DST: variants seen among roughly 807,000 people sequenced by gnomAD.
The protein encoded by DST is bullous pemphigoid antigen.
In DST, 253 loss-of-function variants were observed where a neutral mutation model predicts 875.2. The ratio of observed to expected loss-of-function variants is 0.29; its 90% CI spans 0.26 to 0.32. The LOEUF (loss-of-function observed/expected upper bound fraction) is 0.32. Ranked by LOEUF, DST falls within the 10% of genes least tolerant of loss-of-function variation. DST has a pLI of 1.00. For missense variants in DST, 8,287 were observed against 9,111.6 expected, an observed-to-expected ratio of 0.91 and a Z score of 3.68; for synonymous variants, 3,124 against 3,197.1, an observed-to-expected ratio of 0.98 and a Z score of 0.77.
In DST at chr6:56,912,254, A is replaced by G. The variant is rs186932785; in HGVS notation, c.217-11633T>C. On this transcript the variant is annotated intron_variant, in intron 2 of 103. Transcript: ENST00000680361. Reference sequence around the variant, plus strand: ...ATTATGGAGTCTTGGGGTCGGGCGCAGCACACTGCTAAGACATTCCCCAGT... The same window carrying G: ...ATTATGGAGTCTTGGGGTCGGGCGCGGCACACTGCTAAGACATTCCCCAGT... Among the ~76,000 whole-genome samples the G allele has an allele frequency of 2.2e-4, 33 of 152,340 alleles. 1 individual carries two copies. Among genetic ancestry groups the G allele is most frequent in the Admixed American group, 1.6e-3 (24 of 15,296 alleles).
chr6:56,593,388 A>G (rs1208852582), intron 48 of DST, among the ~76,000 whole-genome samples: 1 of 151,656 alleles, frequency 6.6e-6, no homozygotes, highest in East Asian at 1.9e-4. Context: ...GTGGGGGTAC[A>G]TGCCTGTAGT....
At chr6:56,496,184 T>C (rs1305320844) in intron 82 of DST, among the ~76,000 whole-genome samples, 1 of 152,206 alleles carries the variant, frequency 6.6e-6, no homozygotes, top group East Asian at 1.9e-4. Context: ...TCAGAACTTC[T>C]AGTGCTGAAT....
chr6:56,756,912 C>A (rs918979222), intron 4 of DST, among the ~76,000 whole-genome samples: 6 of 152,126 alleles, frequency 3.9e-5, no homozygotes, highest in Non-Finnish European at 7.4e-5. Context: ...CAGAGAACAA[C>A]AAAGAGTCAT....
At chr6:56,951,873 T>C (rs1822519405) in intron 2 of DST, among the ~76,000 whole-genome samples, 1 of 152,240 alleles carries the variant, frequency 6.6e-6, no homozygotes, top group African/African-American at 2.4e-5. Context: ...TAGCAAATGT[T>C]GAATTCTGAG....
chr6:56,784,476 A>C (rs13191826), intron 4 of DST, among the ~76,000 whole-genome samples: 35,337 of 151,986 alleles, frequency 0.23, 5,111 homozygotes, highest in African/African-American at 0.4. Context: ...TCATTCATTT[A>C]ATCTTCCATC....
In DST at chr6:56,603,829, C is replaced by A. The variant is rs1233149248; in HGVS notation, c.10791+8G>T. Reference sequence around the variant, plus strand: ...CTTTTTCTGTATAAAATGTATAGGTCAACTTACTTGTTCGGTTGAGCTATC... The same window carrying A: ...CTTTTTCTGTATAAAATGTATAGGTAAACTTACTTGTTCGGTTGAGCTATC... On this transcript the variant is annotated splice_region_variant and intron_variant, in intron 40 of 103. Transcript: ENST00000680361. 6 of 1,605,134 alleles carry A rather than the reference C, an allele frequency of 3.7e-6. No homozygotes were observed. In the East Asian group the frequency reaches 1.1e-4, roughly 30 times the overall value.
At position 56,660,223 on chromosome 6, in the gene DST, G is replaced by T. The variant is rs142797771; in HGVS notation, c.1215-8979C>A. Reference sequence around the variant, plus strand: ...TTTCTCTGGTGTGCTTCCTGTGTGGGGACATGCACAGACAAAGCACATGGC... The same window carrying T: ...TTTCTCTGGTGTGCTTCCTGTGTGGTGACATGCACAGACAAAGCACATGGC... On this transcript the variant is annotated intron_variant, in intron 10 of 103. Transcript: ENST00000680361. Among the ~76,000 whole-genome samples the T allele has an allele frequency of 7.0e-4, 107 of 152,282 alleles. No individual in the cohort carries two copies. In the East Asian group the frequency reaches 0.017, roughly 24 times the overall value.
chr6:56,645,344 A>G (rs7759479), intron 15 of DST, among the ~76,000 whole-genome samples: 24,140 of 152,122 alleles, frequency 0.16, 4,713 homozygotes, highest in African/African-American at 0.47. Flanking sequence ...ATGACAGAGA[A>G]CTAGTGATGA....
chr6:56,661,652 T>A (rs952674271), intron 10 of DST, among the ~76,000 whole-genome samples: 4 of 151,796 alleles, frequency 2.6e-5, no homozygotes, highest in African/African-American at 9.7e-5. Context: ...AATGGTGCCA[T>A]CTCAGCTCAC....
chr6:56,721,136 T>C (rs62412549), intron 5 of DST, among the ~76,000 whole-genome samples: 3 of 146,088 alleles, frequency 2.1e-5, no homozygotes, highest in African/African-American at 7.7e-5. Flanking sequence ...GGGCAGCTGC[T>C]GGGCAGGGGC....
chr6:56,896,314 C>T (rs1055664138), intron 3 of DST, among the ~76,000 whole-genome samples: 2 of 152,004 alleles, frequency 1.3e-5, no homozygotes, highest in African/African-American at 2.4e-5. Flanking sequence ...GTCGGTCTTC[C>T]CCATGCTATT....
intron 3 of DST, among the ~76,000 whole-genome samples, chr6:56,889,001 A>T (rs1785981738): frequency 6.6e-6 from 1 of 152,160 alleles, no homozygotes; most frequent in Admixed American, 6.5e-5. Context: ...GAATAGCCTT[A>T]AATCAAAGTC....
chr6:56,463,128 C>T lies in DST; in HGVS notation c.22988G>A (p.Gly7663Asp), dbSNP rs371560478. 1.2e-6 allele frequency: 2 copies of T among 1,612,640 alleles called. No homozygotes were observed. Among genetic ancestry groups the T allele is most frequent in the South Asian group, 1.1e-5 (1 of 91,012 alleles). The change falls in exon 102 of 104, where the codon GGT (glycine) becomes GAT (aspartate). Residue 7663 changes from glycine (G) to aspartate (D), a missense_variant. Gly to Asp is a moderately conservative substitution (Grantham distance 94). Coordinates refer to ENST00000680361, the MANE Select transcript of DST (RefSeq NM_001374736.1). ...TTTGCTGTTTGTCAACCATGGTTTACCATAATTGCGTGTTAAAGGATGGAG... is the reference window on the plus strand; with the variant it reads ...TTTGCTGTTTGTCAACCATGGTTTATCATAATTGCGTGTTAAAGGATGGAG... ...KILHPLTRNY[G>D]KPWLTNSKMS... is the part of the protein sequence containing the mutation.
chr6:56,779,288 T>C (rs911674151), intron 4 of DST, among the ~76,000 whole-genome samples: 5 of 152,202 alleles, frequency 3.3e-5, no homozygotes, highest in African/African-American at 9.6e-5. Context: ...ATATTAGCCC[T>C]TTGTCAGATG....
Position 56,631,409 on chromosome 6 carries a change from C to G in DST, c.3964-20G>C, listed in dbSNP as rs2098778655. On this transcript the variant is annotated intron_variant, in intron 29 of 103. Coordinates refer to ENST00000680361, the MANE Select transcript of DST (RefSeq NM_001374736.1). The stretch of plus-strand genomic sequence containing the variant: ...TAGTTTCTATAAAACAGAGAACAAA[C>G]AAAGGTATCAGGCCATCACCTGTGA... 1 of 1,609,184 alleles carries G rather than the reference C, an allele frequency of 6.2e-7. No homozygotes were observed.
chr6:56,626,593 G>A (rs542990063), intron 34 of DST, among the ~76,000 whole-genome samples: 126 of 152,198 alleles, frequency 8.3e-4, no homozygotes, highest in African/African-American at 2.9e-3. Flanking sequence ...CGCATTTCTC[G>A]GAATATATCC....
intron 86 of DST, among the ~76,000 whole-genome samples, chr6:56,488,965 C>A (rs1380370593): frequency 6.6e-6 from 1 of 152,130 alleles, no homozygotes; most frequent in Non-Finnish European, 1.5e-5. Context: ...ATAAACATGT[C>A]TTTGGGTACC....
chr6:56,782,196 T>C (rs914823036), intron 4 of DST, among the ~76,000 whole-genome samples: 4 of 152,196 alleles, frequency 2.6e-5, no homozygotes, highest in African/African-American at 9.7e-5. Flanking sequence ...TTTTTGGTTG[T>C]GTCTCTGCCC....
chr6:56,471,922 T>C, intron 94 of DST, 137 bp downstream of exon 94: 1 of 882,476 alleles, frequency 1.1e-6, no homozygotes, highest in Non-Finnish European at 1.9e-6. Context: ...ATTTTGGAAA[T>C]TTAAAAATGT....
Sources: allele counts gnomAD v4.1 joint callset (sites outside exome capture counted in the v4.1 genomes callset), GRCh38; gene constraint gnomAD v4.1.1; transcripts MANE v1.5; gene names NCBI Gene and HGNC (gene_info 2026-07-23, HGNC 2026-07-21).